The following WDR17 variants were observed in gnomAD, a reference collection of about 807,000 sequenced individuals.
WDR17 encodes WD repeat-containing protein 17.
In WDR17, 143 loss-of-function variants were observed where a neutral mutation model predicts 161.7. The ratio of observed to expected loss-of-function variants is 0.88; its 90% CI spans 0.77 to 1.02. The LOEUF (loss-of-function observed/expected upper bound fraction) is 1.02. Ranked by LOEUF, WDR17 falls within the 50% of genes least tolerant of loss-of-function variation. WDR17 has a pLI of 0.00. For missense variants in WDR17, 1,469 were observed against 1,520.9 expected, an observed-to-expected ratio of 0.97 and a Z score of 0.57; for synonymous variants, 517 against 515.6, an observed-to-expected ratio of 1.00 and a Z score of -0.04.
intron 1 of WDR17, among the ~76,000 whole-genome samples, chr4:176,107,733 C>T (rs1738982742): frequency 6.6e-6 from 1 of 151,888 alleles, no homozygotes; most frequent in Non-Finnish European, 1.5e-5. Flanking sequence ...AGGAATTCTC[C>T]CTATATTTGG....
chr4:176,150,391 A>G, intron 15 of WDR17, 77 bp from the exon 16 acceptor site: 1 of 1,526,062 alleles, frequency 6.6e-7, no homozygotes, highest in Non-Finnish European at 8.8e-7. Context: ...TGCCTGCATT[A>G]TAATATTTTT....
chr4:176,128,824 T>C lies in WDR17; in HGVS notation c.877T>C (p.Cys293Arg). The change falls in exon 6 of 29, where the codon TGC becomes CGC. Residue 293 changes from cysteine (C) to arginine (R), a missense_variant. By Grantham distance (180) the Cys-to-Arg change is radical. Coordinates refer to ENST00000508596, the MANE Select transcript of WDR17 (RefSeq NM_181265.4). ...TAAATTAAAGAAAACAGGATTTCAC[T>C]GCTTACATGTACTTAATTCTCCTCC... ...NLKLKKTGFH[C>R]LHVLNSPPRK... 1 of 1,600,686 alleles carries C rather than the reference T, an allele frequency of 6.2e-7. No homozygotes were observed. The highest frequency in any genetic ancestry group is 8.5e-7 in the Non-Finnish European group (1 of 1,174,238).
intron 1 of WDR17, among the ~76,000 whole-genome samples, chr4:176,068,027 A>G (rs1249528415): frequency 1.3e-5 from 2 of 152,204 alleles, no homozygotes; most frequent in Non-Finnish European, 2.9e-5. Flanking sequence ...TTCATCCTAT[A>G]TTCCAGAATT....
In WDR17 at chr4:176,077,500, T is replaced by C. The variant is rs140403614; in HGVS notation, c.-7+11421T>C. Among the ~76,000 whole-genome samples the C allele has an allele frequency of 7.7e-3, 1,176 of 152,208 alleles. 25 individuals carry two copies. The highest frequency in any genetic ancestry group is 0.027 in the African/African-American group (1,125 of 41,530). On this transcript the variant is annotated intron_variant, in intron 1 of 28. Coordinates refer to ENST00000508596, the MANE Select transcript of WDR17 (RefSeq NM_181265.4). ...GTAGTACCTATGACACCGATTATAG[T>C]ACCTTAGTGTTTAGAGGAAATTCCT...
chr4:176,141,233 C>T (rs1745206034), intron 10 of WDR17, among the ~76,000 whole-genome samples: 1 of 151,880 alleles, frequency 6.6e-6, no homozygotes, highest in African/African-American at 2.4e-5. Flanking sequence ...AGTTATATTG[C>T]TGAGAATATA....
At chr4:176,140,084 C>G in intron 10 of WDR17, 110 bp downstream of exon 10, 1 of 814,994 alleles carries the variant, frequency 1.2e-6, no homozygotes, top group Non-Finnish European at 1.8e-6. Context: ...TCTACCAACT[C>G]TCAGAGGCGT....
At chr4:176,109,588 A>G (rs2126687442) in intron 1 of WDR17, among the ~76,000 whole-genome samples, 1 of 152,366 alleles carries the variant, frequency 6.6e-6, no homozygotes, top group South Asian at 2.1e-4. Context: ...GATGAGAAGA[A>G]AGTAGATCCT....
chr4:176,124,991 G>T, intron 4 of WDR17, 113 bp from the exon 5 acceptor site: 1 of 1,233,532 alleles, frequency 8.1e-7, no homozygotes, highest in Non-Finnish European at 1.1e-6. Context: ...CACCACATTT[G>T]TATTTTCAAT....
chr4:176,082,346 A>G (rs1734855864), intron 1 of WDR17, among the ~76,000 whole-genome samples: 1 of 152,150 alleles, frequency 6.6e-6, no homozygotes, highest in Middle Eastern at 3.2e-3. Context: ...CATGGTAATT[A>G]TATTTAAAGA....
chr4:176,132,250 G>A (rs1188389824), intron 7 of WDR17, among the ~76,000 whole-genome samples: 1 of 152,086 alleles, frequency 6.6e-6, no homozygotes, highest in Non-Finnish European at 1.5e-5. Context: ...TTGTCTGGTT[G>A]TGTTCTGTGG....
At chr4:176,159,617 G>A (rs1748723792) in intron 18 of WDR17, among the ~76,000 whole-genome samples, 8 of 151,994 alleles carry the variant, frequency 5.3e-5, no homozygotes, top group Admixed American at 5.2e-4. Context: ...AAAATTATCT[G>A]TCTTTAACAA....
intron 5 of WDR17, among the ~76,000 whole-genome samples, chr4:176,128,391 GGA>G (rs1181741896): frequency 6.8e-6 from 1 of 147,772 alleles, no homozygotes; most frequent in Non-Finnish European, 1.5e-5. Flanking sequence ...GGTTAGAAAT[GGA>G]GAGTTTTCTG....
In WDR17 at chr4:176,111,625, G is replaced by A. The variant is rs1739758966; in HGVS notation, c.45G>A (p.Gln15=). ...RQVGLLAAGC[Q]PWNKDVCAAS... The stretch of plus-strand genomic sequence containing the variant: ...TGGGATTGCTGGCTGCTGGATGTCA[G>A]CCATGGAACAAGGATGTATGTGCTG... The change falls in exon 2 of 29, where the codon CAG becomes CAA. Residue 15 remains glutamine (Q), a synonymous_variant. Coordinates refer to ENST00000508596, the MANE Select transcript of WDR17 (RefSeq NM_181265.4). The A allele has an allele frequency of 3.1e-6, 5 of 1,611,154 alleles. No homozygotes were observed. The highest frequency in any genetic ancestry group is 4.2e-6 in the Non-Finnish European group (5 of 1,178,166).
intron 20 of WDR17, 69 bp from the exon 21 acceptor site, chr4:176,162,006 A>C: frequency 7.6e-7 from 1 of 1,309,670 alleles, no homozygotes; most frequent in Non-Finnish European, 1.1e-6. Context: ...ATACCTTTTA[A>C]AAAGTATTAG....
intron 1 of WDR17, among the ~76,000 whole-genome samples, chr4:176,085,826 T>C (rs1392303379): frequency 6.6e-6 from 1 of 152,004 alleles, no homozygotes; most frequent in Non-Finnish European, 1.5e-5. Flanking sequence ...CTTTTCTACA[T>C]TTTTTGGGCT....
chr4:176,159,403 C>T (rs994713728), intron 18 of WDR17, among the ~76,000 whole-genome samples: 2 of 151,972 alleles, frequency 1.3e-5, no homozygotes, highest in Non-Finnish European at 2.9e-5. Flanking sequence ...CATGTACACC[C>T]TTCACAATCT....
At chr4:176,162,210 GT>G (rs765804305) in intron 21 of WDR17, 36 bp downstream of exon 21, 2 of 1,582,198 alleles carry the variant, frequency 1.3e-6, no homozygotes, top group Non-Finnish European at 1.7e-6. Flanking sequence ...TGAATGAAAA[GT>G]TTTTTAGATA....
intron 1 of WDR17, among the ~76,000 whole-genome samples, chr4:176,072,891 G>A (rs1233765221): frequency 6.6e-6 from 1 of 151,972 alleles, no homozygotes; most frequent in Non-Finnish European, 1.5e-5. Context: ...GGTATAAAAC[G>A]CTGACCTTTT....
chr4:176,135,493 A>G (rs1310184230), intron 8 of WDR17, among the ~76,000 whole-genome samples: 1 of 151,646 alleles, frequency 6.6e-6, no homozygotes, highest in Non-Finnish European at 1.5e-5. Flanking sequence ...ATAACAAGTC[A>G]TGTAGAAAAA....
Sources: gnomAD v4.1 joint callset for allele counts (sites outside exome capture counted in the v4.1 genomes callset) on GRCh38, gnomAD v4.1.1 for gene constraint, MANE v1.5 for transcripts, NCBI Gene and HGNC (gene_info 2026-07-23, HGNC 2026-07-21) for gene names.